Variants in MCTP2 observed in about 807,000 individuals in gnomAD.
MCTP2 encodes the protein multiple C2 and transmembrane domain containing 2.
In MCTP2, 132 loss-of-function variants were observed where a neutral mutation model predicts 111.6. That is an observed-to-expected ratio of 1.18 (90% confidence interval 1.03 to 1.37). MCTP2 has a LOEUF of 1.37. Ranked by LOEUF, MCTP2 falls within the 40% of genes most tolerant of loss-of-function variation. The pLI is 0.00. For missense variants in MCTP2, 1,183 were observed against 1,067.9 expected, an observed-to-expected ratio of 1.11 and a Z score of -1.50; for synonymous variants, 395 against 387.7, an observed-to-expected ratio of 1.02 and a Z score of -0.22.
chr15:94,245,160 A>G (rs560287397), intron 1 of MCTP2, among the ~76,000 whole-genome samples: 99 of 147,868 alleles, frequency 6.7e-4, no homozygotes, highest in Admixed American at 1.4e-3. Context: ...ATGTTTGTAT[A>G]TTTATACACA....
chr15:94,314,020 CAT>C (rs936799637), intron 2 of MCTP2, among the ~76,000 whole-genome samples: 3 of 152,210 alleles, frequency 2.0e-5, no homozygotes, highest in Non-Finnish European at 4.4e-5. Context: ...GCATGCTAAA[CAT>C]GTGGGTGAAC....
At chr15:94,253,518 A>G (rs1281778536) in intron 1 of MCTP2, among the ~76,000 whole-genome samples, 1 of 152,114 alleles carries the variant, frequency 6.6e-6, no homozygotes, top group Non-Finnish European at 1.5e-5. Context: ...TCTAGCCTTT[A>G]TCACACTGGA....
At chr15:94,344,618 T>G (rs1416685553) in intron 7 of MCTP2, among the ~76,000 whole-genome samples, 4 of 152,222 alleles carry the variant, frequency 2.6e-5, no homozygotes, top group African/African-American at 9.6e-5. Flanking sequence ...CATTAGCACA[T>G]TTTCTTAATT....
At chr15:94,335,845 A>T (rs1459006965) in intron 4 of MCTP2, among the ~76,000 whole-genome samples, 3 of 152,228 alleles carry the variant, frequency 2.0e-5, no homozygotes, top group African/African-American at 7.2e-5. Flanking sequence ...ACTAAAAACA[A>T]TTCTATTTTT....
chr15:94,268,374 A>T (rs1467177408), intron 1 of MCTP2, among the ~76,000 whole-genome samples: 1 of 148,144 alleles, frequency 6.8e-6, no homozygotes. Context: ...TATTTTTAGT[A>T]GAGACGGGGT....
chr15:94,446,267 C>G (rs1455832081), intron 19 of MCTP2, among the ~76,000 whole-genome samples: 1 of 152,174 alleles, frequency 6.6e-6, no homozygotes, highest in Non-Finnish European at 1.5e-5. Context: ...GGAAATCCTC[C>G]TTTCTAATAC....
At chr15:94,449,298 C>G (rs2084302438) in intron 19 of MCTP2, among the ~76,000 whole-genome samples, 1 of 152,096 alleles carries the variant, frequency 6.6e-6, no homozygotes, top group Admixed American at 6.6e-5. Context: ...ATTCAGTACT[C>G]AAAACAAAAT....
intron 4 of MCTP2, among the ~76,000 whole-genome samples, chr15:94,318,009 A>G (rs532454236): frequency 6.6e-6 from 1 of 152,240 alleles, no homozygotes; most frequent in South Asian, 2.1e-4. Flanking sequence ...GGCAGATAGC[A>G]TTTTATGCCT....
intron 1 of MCTP2, among the ~76,000 whole-genome samples, chr15:94,297,798 C>T (rs556355992): frequency 4.6e-5 from 7 of 152,282 alleles, no homozygotes; most frequent in African/African-American, 1.7e-4. Flanking sequence ...TTGTTGACCT[C>T]CGGTTTAGAG....
intron 20 of MCTP2, among the ~76,000 whole-genome samples, chr15:94,469,812 C>CA (rs753094616): frequency 4.0e-5 from 6 of 151,840 alleles, no homozygotes; most frequent in Non-Finnish European, 8.8e-5. Flanking sequence ...GTCGAGGCTG[C>CA]AGTGAGCTAT....
intron 4 of MCTP2, among the ~76,000 whole-genome samples, chr15:94,321,934 C>T (rs189472662): frequency 5.3e-5 from 8 of 152,214 alleles, no homozygotes; most frequent in East Asian, 1.9e-4. Context: ...ATTTATTATT[C>T]GTTAGGTGAA....
At chr15:94,310,896 T>C (rs1655458) in intron 2 of MCTP2, among the ~76,000 whole-genome samples, 67,894 of 151,450 alleles carry the variant, frequency 0.45, 16,362 homozygotes, top group East Asian at 0.65. Flanking sequence ...GAGCTATGAA[T>C]ATGTCAGTGC....
intron 7 of MCTP2, chr15:94,343,022 A>G (rs1429061959): frequency 1.5e-5 from 2 of 134,302 alleles, no homozygotes; most frequent in Non-Finnish European, 3.3e-5. Flanking sequence ...GAATACCTAT[A>G]TATATATACA....
chr15:94,315,253 A>G (rs2076327669), intron 3 of MCTP2, among the ~76,000 whole-genome samples: 1 of 152,146 alleles, frequency 6.6e-6, no homozygotes, highest in African/African-American at 2.4e-5. Context: ...TAATGAGGGT[A>G]TTTCAGAGGT....
chr15:94,370,599 A>T (rs2079432195), intron 12 of MCTP2, among the ~76,000 whole-genome samples: 1 of 152,146 alleles, frequency 6.6e-6, no homozygotes, highest in Non-Finnish European at 1.5e-5. Flanking sequence ...TCTGGCTGGC[A>T]CCTCATCGTA....
chr15:94,301,718 T>C (rs2075621913), intron 2 of MCTP2, among the ~76,000 whole-genome samples: 1 of 152,224 alleles, frequency 6.6e-6, no homozygotes, highest in Non-Finnish European at 1.5e-5. Context: ...ATCTGTGGTT[T>C]TTGAAAAAAT....
At chr15:94,386,873 T>C (rs935583429) in intron 14 of MCTP2, among the ~76,000 whole-genome samples, 3 of 152,124 alleles carry the variant, frequency 2.0e-5, no homozygotes, top group African/African-American at 7.2e-5. Context: ...GTTTGGTCTT[T>C]CTGTACTACC....
chr15:94,306,194 G>A (rs932336556), intron 2 of MCTP2, among the ~76,000 whole-genome samples: 2 of 152,182 alleles, frequency 1.3e-5, no homozygotes, highest in Admixed American at 6.5e-5. Flanking sequence ...GTAAGACTTA[G>A]ATAGGCAGAG....
chr15:94,358,337 C>A, intron 9 of MCTP2, 145 bp from the exon 10 acceptor site: 1 of 673,288 alleles, frequency 1.5e-6, no homozygotes, highest in Non-Finnish European at 2.4e-6. Flanking sequence ...AAGTCCCTTT[C>A]ATTCTAAAAA....
Sources: gnomAD v4.1 joint callset for allele counts (sites outside exome capture counted in the v4.1 genomes callset) on GRCh38, gnomAD v4.1.1 for gene constraint, MANE v1.5 for transcripts, NCBI Gene and HGNC (gene_info 2026-07-23, HGNC 2026-07-21) for gene names.